Variants in STX11 observed in about 807,000 individuals in gnomAD.
STX11 encodes syntaxin-11.
A neutral mutation model predicts 19.9 loss-of-function variants in STX11; 21 were observed. The observed-to-expected ratio is 1.06, with a 90% confidence interval of 0.75 to 1.52. STX11 has a LOEUF of 1.52. STX11 is among the 40% of genes most tolerant of loss of function. STX11 has a pLI of 0.00. For synonymous variants in STX11, 193 were observed against 174.4 expected, an observed-to-expected ratio of 1.11 and a Z score of -0.84; for missense variants, 438 against 405.9, an observed-to-expected ratio of 1.08 and a Z score of -0.68.
chr6:144,160,579 C>T lies in STX11; in HGVS notation c.-6+9876C>T, dbSNP rs890046465. On this transcript the variant is annotated intron_variant, in intron 1 of 1. Coordinates refer to ENST00000367568, the MANE Select transcript of STX11 (RefSeq NM_003764.4). This position sits in a 1 kb window ranked among gnomAD's most constrained non-coding sequence, Gnocchi z 4.3. The stretch of plus-strand genomic sequence containing the variant: ...ACAAAGCAAATAGGCCAAGTGCTAA[C>T]ATGTGCATATTTAACCTATGAACCT... Among the ~76,000 whole-genome samples, 1 of 152,178 alleles carries T rather than the reference C, an allele frequency of 6.6e-6. No individual in the cohort carries two copies. Among genetic ancestry groups the T allele is most frequent in the South Asian group, 2.1e-4 (1 of 4,838 alleles).
chr6:144,186,515 A>G (rs1802038078), intron 1 of STX11, 108 bp from the exon 2 acceptor site: 3 of 1,410,634 alleles, frequency 2.1e-6, no homozygotes, highest in Admixed American at 1.8e-5. Context: ...GCCCACACCG[A>G]GGAATACAAA....
chr6:144,179,266 T>A (rs2128754048), intron 1 of STX11, among the ~76,000 whole-genome samples: 2 of 152,314 alleles, frequency 1.3e-5, no homozygotes, highest in East Asian at 3.9e-4. Context: ...TCCCACCGGA[T>A]CCCTCGCACA....
upstream of STX11, among the ~76,000 whole-genome samples, chr6:144,147,118 C>A (rs1800888942): frequency 6.6e-6 from 1 of 151,942 alleles, no homozygotes; most frequent in African/African-American, 2.4e-5. This position sits in a 1 kb window ranked among gnomAD's most constrained non-coding sequence, Gnocchi z 4.2. Flanking sequence ...TCTTTCCATT[C>A]CTTTTGGTTC....
chr6:144,150,979 A>G (rs182491357), intron 1 of STX11, among the ~76,000 whole-genome samples: 5 of 152,300 alleles, frequency 3.3e-5, no homozygotes, highest in Non-Finnish European at 7.3e-5. Flanking sequence ...GCTTCGTAAG[A>G]ATTATTTTAG....
At chr6:144,178,580 G>T (rs369379517) in intron 1 of STX11, among the ~76,000 whole-genome samples, 1 of 152,236 alleles carries the variant, frequency 6.6e-6, no homozygotes, top group African/African-American at 2.4e-5. Flanking sequence ...AATTATGTCA[G>T]AGGGCATCAA....
In STX11 at chr6:144,189,651, G is replaced by C. The variant is rs1802165216; in HGVS notation, c.*2160G>C. Among the ~76,000 whole-genome samples the C allele has an allele frequency of 6.6e-6, 1 of 152,192 alleles. No individual in the cohort carries two copies. The highest frequency in any genetic ancestry group is 6.5e-5 in the Admixed American group (1 of 15,284). ...GGAATTTTAAAAGAATTAGAAGGAG[G>C]AGTATGTGAATTCTTTGGAGCTCAC... On this transcript the variant is annotated 3_prime_UTR_variant, in exon 2 of 2. Transcript: ENST00000367568.
At chr6:144,146,321 A>G (rs1800873034), upstream of STX11, among the ~76,000 whole-genome samples, 1 of 152,202 alleles carries the variant, frequency 6.6e-6, no homozygotes, top group Non-Finnish European at 1.5e-5. The surrounding 1 kb of genome is among the most constrained non-coding windows in gnomAD (Gnocchi z 4.4). Context: ...TCATCTCTGA[A>G]AAACTCCAGA....
At chr6:144,164,033 A>C in intron 1 of STX11, among the ~76,000 whole-genome samples, 1 of 152,282 alleles carries the variant, frequency 6.6e-6, no homozygotes, top group Middle Eastern at 3.4e-3. Flanking sequence ...AAGGACTGGG[A>C]CCACCTATGT....
At chr6:144,179,633 C>A (rs556351631) in intron 1 of STX11, among the ~76,000 whole-genome samples, 21 of 152,178 alleles carry the variant, frequency 1.4e-4, no homozygotes, top group Non-Finnish European at 2.5e-4. Context: ...GTTGTGATCT[C>A]ACCACAGATG....
rs144436121 is a variant in STX11 at position 144,159,267 on chromosome 6, G to A, written c.-6+8564G>A. ...GCTCCTGACCCTATGAAGCTTATGG[G>A]CAAGCAGAGAAGATAAGTAACAATT... On this transcript the variant is annotated intron_variant, in intron 1 of 1. Coordinates refer to ENST00000367568, the MANE Select transcript of STX11 (RefSeq NM_003764.4). This position sits in a 1 kb window ranked among gnomAD's most constrained non-coding sequence, Gnocchi z 4.3. Among the ~76,000 whole-genome samples the A allele has an allele frequency of 1.3e-5, 2 of 152,274 alleles. No individual in the cohort carries two copies. The highest frequency in any genetic ancestry group is 3.9e-4 in the East Asian group (2 of 5,188).
upstream of STX11, among the ~76,000 whole-genome samples, chr6:144,146,784 C>CG (rs1800881642): frequency 6.6e-6 from 1 of 152,122 alleles, no homozygotes; most frequent in Admixed American, 6.6e-5. The surrounding 1 kb of genome is among the most constrained non-coding windows in gnomAD (Gnocchi z 4.4). Context: ...CTCTAACTCC[C>CG]GGGCTCAAGT....
At chr6:144,166,185 A>G (rs1230700454) in intron 1 of STX11, among the ~76,000 whole-genome samples, 4 of 152,218 alleles carry the variant, frequency 2.6e-5, no homozygotes, top group Non-Finnish European at 2.9e-5. Context: ...AACCTTATTA[A>G]TTGGTGGTGG....
chr6:144,190,646 CA>C lies in STX11; in HGVS notation c.*3158del, dbSNP rs1432705067. On this transcript the variant is annotated 3_prime_UTR_variant, in exon 2 of 2. Coordinates refer to ENST00000367568, the MANE Select transcript of STX11 (RefSeq NM_003764.4). ...TGGCATTTCTATCCCTGTGTATATC[CA>C]AACATGTCCTGAAGAAGAAATGAGA... Among the ~76,000 whole-genome samples, 1 of 151,800 alleles carries C rather than the reference CA, an allele frequency of 6.6e-6. No individual in the cohort carries two copies. The highest frequency in any genetic ancestry group is 1.5e-5 in the Non-Finnish European group (1 of 67,960).
In STX11 at chr6:144,177,974, G is replaced by T. The variant is rs1801816508; in HGVS notation, c.-5-8649G>T. ...AACTCTGATATGAAGAAATTTGTGTGGGAAAGAAAGTAGTGATTCTAATGG... is the reference window on the plus strand; with the variant it reads ...AACTCTGATATGAAGAAATTTGTGTTGGAAAGAAAGTAGTGATTCTAATGG... On this transcript the variant is annotated intron_variant, in intron 1 of 1. Coordinates refer to ENST00000367568, the MANE Select transcript of STX11 (RefSeq NM_003764.4). The surrounding 1 kb of genome is among the most constrained non-coding windows in gnomAD (Gnocchi z 4.4). Among the ~76,000 whole-genome samples, 1 of 152,134 alleles carries T rather than the reference G, an allele frequency of 6.6e-6. No homozygotes were observed. Among genetic ancestry groups the T allele is most frequent in the South Asian group, 2.1e-4 (1 of 4,826 alleles).
At chr6:144,185,825 T>C (rs1482459567) in intron 1 of STX11, among the ~76,000 whole-genome samples, 1 of 152,192 alleles carries the variant, frequency 6.6e-6, no homozygotes, top group African/African-American at 2.4e-5. Context: ...TATTTTGTTG[T>C]CATTTTACTT....
At position 144,187,802 on chromosome 6, in the gene STX11, G is replaced by T; in HGVS notation, c.*311G>T. On this transcript the variant is annotated 3_prime_UTR_variant, in exon 2 of 2. Coordinates refer to ENST00000367568, the MANE Select transcript of STX11 (RefSeq NM_003764.4). The surrounding 1 kb of genome is among the most constrained non-coding windows in gnomAD (Gnocchi z 5.6). Reference sequence around the variant, plus strand: ...GGAACTGAAGTTGTATCTGACTGTAGGGTGAATGTCTGAGGCCTGCCTCCT... The same window carrying T: ...GGAACTGAAGTTGTATCTGACTGTATGGTGAATGTCTGAGGCCTGCCTCCT... The T allele has an allele frequency of 2.0e-6, 1 of 496,716 alleles. No homozygotes were observed. Among genetic ancestry groups the T allele is most frequent in the Admixed American group, 3.6e-5 (1 of 27,644 alleles). 30.8% of individuals were successfully genotyped at this position (496,716 alleles called of 1,614,324 possible).
Position 144,162,188 on chromosome 6 carries a change from CTTG to C in STX11, c.-6+11488_-6+11490del, listed in dbSNP as rs892115301. ...TTAAAAAGCTTCTGACCAAACCCAA[CTTG>C]TTATTACCCCACCATCACGCCCTTT... On this transcript the variant is annotated intron_variant, in intron 1 of 1. Coordinates refer to ENST00000367568, the MANE Select transcript of STX11 (RefSeq NM_003764.4). The surrounding 1 kb of genome is among the most constrained non-coding windows in gnomAD (Gnocchi z 4.6). Among the ~76,000 whole-genome samples, 10 of 152,212 alleles carry C rather than the reference CTTG, an allele frequency of 6.6e-5. No individual in the cohort carries two copies. Among genetic ancestry groups the C allele is most frequent in the Non-Finnish European group, 1.2e-4 (8 of 68,044 alleles).
rs1270353912 is a variant in STX11, at chr6:144,187,921, C to T, written c.*430C>T. ...TTCATTTACTTTGTCCTGAAAATTC[C>T]CTGGTTCTGTTCCATTTTGAGCGAA... is the stretch of plus-strand genomic sequence containing the variant. On this transcript the variant is annotated 3_prime_UTR_variant, in exon 2 of 2. Coordinates refer to ENST00000367568, the MANE Select transcript of STX11 (RefSeq NM_003764.4). The surrounding 1 kb of genome is among the most constrained non-coding windows in gnomAD (Gnocchi z 5.6). 2 of 317,660 alleles carry T rather than the reference C, an allele frequency of 6.3e-6. No individual in the cohort carries two copies. Among genetic ancestry groups the T allele is most frequent in the Non-Finnish European group, 1.3e-5 (2 of 159,566 alleles). The allele number at this position is 317,660 out of a possible 1,614,324, so 19.7% of individuals were successfully genotyped here.
Position 144,153,390 on chromosome 6 carries a change from A to C in STX11, c.-6+2687A>C, listed in dbSNP as rs73778538. Reference sequence around the variant, plus strand: ...GAGGATGAATTGTCAGGCAAGTGGAATTGTCTGCTGTAGGTGACCCAGCAG... The same window carrying C: ...GAGGATGAATTGTCAGGCAAGTGGACTTGTCTGCTGTAGGTGACCCAGCAG... On this transcript the variant is annotated intron_variant, in intron 1 of 1. Transcript: ENST00000367568. The surrounding 1 kb of genome is among the most constrained non-coding windows in gnomAD (Gnocchi z 5.0). Among the ~76,000 whole-genome samples, 1 of 152,130 alleles carries C rather than the reference A, an allele frequency of 6.6e-6. No homozygotes were observed. The highest frequency in any genetic ancestry group is 1.5e-5 in the Non-Finnish European group (1 of 68,024).
Sources: gnomAD v4.1 joint callset for allele counts (sites outside exome capture counted in the v4.1 genomes callset) on GRCh38, gnomAD v4.1.1 for gene constraint, Gnocchi (gnomAD v3.1) non-coding constraint, MANE v1.5 for transcripts, NCBI Gene and HGNC (gene_info 2026-07-23, HGNC 2026-07-21) for gene names.